Variants in CDH4 observed in about 807,000 individuals in gnomAD.
CDH4 encodes the protein cadherin-4.
In CDH4, 33 loss-of-function variants were observed where a neutral mutation model predicts 86.0. That is an observed-to-expected ratio of 0.38 (90% confidence interval 0.29 to 0.51). The LOEUF is 0.51. Among genes scored for constraint, CDH4 ranks in the 20% least tolerant of loss-of-function variants. CDH4 has a pLI of 0.86. For missense variants in CDH4, 1,114 were observed against 1,307.4 expected (o/e 0.85, Z 2.28); for synonymous variants, 555 against 549.4 (o/e 1.01, Z -0.14).
chr20:61,844,119 C>G (rs1255156456), intron 4 of CDH4, among the ~76,000 whole-genome samples: 1 of 152,224 alleles, frequency 6.6e-6, no homozygotes, highest in Non-Finnish European at 1.5e-5. Context: ...CTAACCCTTC[C>G]CCATCCCAAG....
intron 2 of CDH4, among the ~76,000 whole-genome samples, chr20:61,338,922 A>C (rs943521847): frequency 5.3e-5 from 8 of 152,164 alleles, no homozygotes; most frequent in African/African-American, 1.7e-4. Flanking sequence ...TACCTGGGAA[A>C]TTTATTGCAG....
At chr20:61,597,554 G>A (rs1341063996) in intron 2 of CDH4, among the ~76,000 whole-genome samples, 3 of 152,242 alleles carry the variant, frequency 2.0e-5, no homozygotes, top group Admixed American at 2.0e-4. Context: ...GGCGAACAGA[G>A]GGGCCGGTTA....
chr20:61,861,818 T>A (rs542325133), intron 6 of CDH4, among the ~76,000 whole-genome samples: 12 of 152,236 alleles, frequency 7.9e-5, no homozygotes, highest in African/African-American at 2.4e-4. Flanking sequence ...AAGTCCCAGG[T>A]GGCTGTGTTG....
At chr20:61,877,647 C>T (rs902726644) in intron 7 of CDH4, among the ~76,000 whole-genome samples, 1 of 152,190 alleles carries the variant, frequency 6.6e-6, no homozygotes, top group Non-Finnish European at 1.5e-5. Flanking sequence ...CAGGGCTCGT[C>T]GGGAACATAG....
At chr20:61,883,327 G>T (rs544168200) in intron 7 of CDH4, among the ~76,000 whole-genome samples, 1 of 152,096 alleles carries the variant, frequency 6.6e-6, no homozygotes, top group African/African-American at 2.4e-5. Flanking sequence ...ATTTGCTGTC[G>T]GTCTCCTCCC....
At chr20:61,331,679 G>A (rs2123264548) in intron 2 of CDH4, among the ~76,000 whole-genome samples, 5 of 99,376 alleles carry the variant, frequency 5.0e-5, no homozygotes, top group African/African-American at 1.5e-4. Flanking sequence ...CTCACCTCCT[G>A]CCCCGGCCAC....
At chr20:61,853,004 G>A (rs1003860833) in intron 6 of CDH4, 106 bp downstream of exon 6, 19 of 1,218,120 alleles carry the variant, frequency 1.6e-5, no homozygotes, top group Middle Eastern at 2.0e-4. Flanking sequence ...CCAGGATGGT[G>A]CCACGGGACT....
intron 2 of CDH4, among the ~76,000 whole-genome samples, chr20:61,727,909 CCA>C (rs2088134832): frequency 6.6e-6 from 1 of 152,222 alleles, no homozygotes; most frequent in Non-Finnish European, 1.5e-5. Flanking sequence ...GCCAAACCAA[CCA>C]TGACCACACC....
chr20:61,361,623 C>T (rs2084783472), intron 2 of CDH4, among the ~76,000 whole-genome samples: 1 of 152,206 alleles, frequency 6.6e-6, no homozygotes. Flanking sequence ...AGGAGCCCGG[C>T]CTGACTCCTT....
At chr20:61,503,445 T>C (rs1481909022) in intron 2 of CDH4, among the ~76,000 whole-genome samples, 1 of 152,214 alleles carries the variant, frequency 6.6e-6, no homozygotes, top group African/African-American at 2.4e-5. Context: ...AAAATTTCTT[T>C]TGAAAAAGCA....
chr20:61,641,478 G>A (rs1262351187), intron 2 of CDH4, among the ~76,000 whole-genome samples: 1 of 152,102 alleles, frequency 6.6e-6, no homozygotes, highest in Non-Finnish European at 1.5e-5. Context: ...GGAATCATCA[G>A]ACTTTGCCAC....
intron 2 of CDH4, among the ~76,000 whole-genome samples, chr20:61,301,717 G>A (rs1039748441): frequency 6.6e-6 from 1 of 152,210 alleles, no homozygotes; most frequent in Non-Finnish European, 1.5e-5. Context: ...ATTTCAGGCA[G>A]TGGGGAGACA....
At chr20:61,610,246 T>A (rs1245191692) in intron 2 of CDH4, among the ~76,000 whole-genome samples, 3 of 152,194 alleles carry the variant, frequency 2.0e-5, no homozygotes, top group Non-Finnish European at 4.4e-5. Context: ...ACTGAGAACG[T>A]GTGGTGTTTG....
chr20:61,642,277 CG>C (rs1483971118), intron 2 of CDH4, among the ~76,000 whole-genome samples: 1 of 152,108 alleles, frequency 6.6e-6, no homozygotes, highest in Non-Finnish European at 1.5e-5. Flanking sequence ...CTGAGGCCCA[CG>C]GAAGTCCTAG....
chr20:61,365,154 A>G (rs1362676830), intron 2 of CDH4, among the ~76,000 whole-genome samples: 1 of 152,204 alleles, frequency 6.6e-6, no homozygotes, highest in Non-Finnish European at 1.5e-5. Flanking sequence ...GTGCTTGGTA[A>G]GATCATAGCA....
At chr20:61,932,563 A>G (rs1000408846) in intron 13 of CDH4, among the ~76,000 whole-genome samples, 4 of 119,422 alleles carry the variant, frequency 3.3e-5, no homozygotes, top group African/African-American at 1.3e-4. Context: ...ATCTACACAC[A>G]TGAACACACG....
At chr20:61,262,194 C>A (rs1344359411) in intron 2 of CDH4, among the ~76,000 whole-genome samples, 1 of 152,174 alleles carries the variant, frequency 6.6e-6, no homozygotes, top group Non-Finnish European at 1.5e-5. Flanking sequence ...GTGCAGCTGG[C>A]CAGCCGGGGC....
At position 61,623,148 on chromosome 20, in the gene CDH4, A is replaced by T. The variant is rs776481594; in HGVS notation, c.170-120415A>T. On this transcript the variant is annotated intron_variant, in intron 2 of 15. Transcript: ENST00000614565. This position sits in a 1 kb window ranked among gnomAD's most constrained non-coding sequence, Gnocchi z 4.4. ...AGAGAAGTGGAGTTTCCAGATGAGGATGTGGAGGTGGGAGTAGAAGGGCCT... is the reference window on the plus strand; with the variant it reads ...AGAGAAGTGGAGTTTCCAGATGAGGTTGTGGAGGTGGGAGTAGAAGGGCCT... 6.6e-6 allele frequency among the ~76,000 whole-genome samples: 1 copy of T among 152,150 alleles called. No individual in the cohort carries two copies. The highest frequency in any genetic ancestry group is 1.5e-5 in the Non-Finnish European group (1 of 68,014).
intron 2 of CDH4, among the ~76,000 whole-genome samples, chr20:61,494,012 C>T (rs1446352904): frequency 6.6e-6 from 1 of 152,180 alleles, no homozygotes; most frequent in African/African-American, 2.4e-5. Flanking sequence ...GTTGTGACAG[C>T]TCAGCAGCCA....
Sources: gnomAD v4.1 joint callset for allele counts (sites outside exome capture counted in the v4.1 genomes callset) on GRCh38, gnomAD v4.1.1 for gene constraint, Gnocchi (gnomAD v3.1) non-coding constraint, MANE v1.5 for transcripts, NCBI Gene and HGNC (gene_info 2026-07-23, HGNC 2026-07-21) for gene names.